The following SH3PXD2B variants were observed in gnomAD, a reference collection of about 807,000 sequenced individuals.
SH3PXD2B encodes the protein SH3 and PX domains 2B.
In SH3PXD2B, 37 loss-of-function variants were observed where a neutral mutation model predicts 73.1. The observed-to-expected ratio is 0.51, with a 90% CI of 0.39 to 0.67. The LOEUF (loss-of-function observed/expected upper bound fraction) is 0.67. Ranked by LOEUF, SH3PXD2B falls within the 30% of genes least tolerant of loss-of-function variation. SH3PXD2B has a pLI of 0.00. For missense variants in SH3PXD2B, 1,053 were observed against 1,197.8 expected (o/e 0.88, Z 1.78); for synonymous variants, 457 against 480.5 (o/e 0.95, Z 0.64).
intron 6 of SH3PXD2B, among the ~76,000 whole-genome samples, chr5:172,366,868 G>A (rs1280520568): frequency 1.3e-5 from 2 of 150,648 alleles, no homozygotes; most frequent in African/African-American, 4.9e-5. Flanking sequence ...TCCTGACCTG[G>A]AGATCTGCCC....
At chr5:172,394,484 G>A (rs1758251596) in intron 4 of SH3PXD2B, 79 bp downstream of exon 4, 1 of 1,440,872 alleles carries the variant, frequency 6.9e-7, no homozygotes, top group Non-Finnish European at 9.7e-7. Flanking sequence ...TTTTATTGTT[G>A]AGCATCTTGT....
intron 2 of SH3PXD2B, among the ~76,000 whole-genome samples, chr5:172,419,661 G>C (rs957255786): frequency 4.6e-5 from 7 of 152,182 alleles, no homozygotes; most frequent in Non-Finnish European, 1.0e-4. Context: ...CCCCTGCGAG[G>C]CTGGCTGCAT....
chr5:172,438,694 C>T (rs1430705210), intron 1 of SH3PXD2B, among the ~76,000 whole-genome samples: 1 of 152,074 alleles, frequency 6.6e-6, no homozygotes, highest in African/African-American at 2.4e-5. Context: ...TGGCAAAAAA[C>T]AGAATACCCA....
Position 172,350,337 on chromosome 5 carries a change from C to T in SH3PXD2B, c.1012+26G>A, listed in dbSNP as rs561280679. On this transcript the variant is annotated intron_variant, in intron 10 of 12. Transcript: ENST00000311601. ...GCTGGCACACAGGGGCCCTGATTAT[C>T]AGGAGCTTGGGCGGGTGTCACTCAC... 134 of 1,610,558 alleles carry T rather than the reference C, an allele frequency of 8.3e-5. No homozygotes were observed. In the South Asian group the frequency reaches 1.4e-3, roughly 16 times the overall value.
rs1426927389 is a variant in SH3PXD2B at position 172,347,344 on chromosome 5, T to G, written c.1013-12A>C. 2.5e-6 allele frequency: 4 copies of G among 1,613,696 alleles called. No individual in the cohort carries two copies. Among genetic ancestry groups the G allele is most frequent in the Non-Finnish European group, 3.4e-6 (4 of 1,179,850 alleles). ...CATCTTTGGTGATCCTATGGAGAAA[T>G]GAGAGCTTATTACATCTTGTGCTAC... On this transcript the variant is annotated splice_polypyrimidine_tract_variant and intron_variant, in intron 10 of 12. Transcript: ENST00000311601.
In SH3PXD2B at chr5:172,362,862, G is replaced by C; in HGVS notation, c.435C>G (p.Asp145Glu). Residue 145 changes from aspartate (D) to glutamate (E), a missense_variant, in exon 7 of 13, where the codon GAC becomes GAG. Transcript: ENST00000311601. ...GGACCATGGGGTCCACTGAGGTTTG[G>C]TCACCCCCTGTGGATAGGAAACAGA... Reference protein sequence around the residue: ...EHIGKKKSGGDQTSVDPMVLE... With the variant: ...EHIGKKKSGGEQTSVDPMVLE... 1 of 1,614,110 alleles carries C rather than the reference G, an allele frequency of 6.2e-7. No individual in the cohort carries two copies. The highest frequency in any genetic ancestry group is 1.1e-5 in the South Asian group (1 of 91,078).
chr5:172,437,332 A>T (rs1256987513), intron 1 of SH3PXD2B, among the ~76,000 whole-genome samples: 4 of 152,310 alleles, frequency 2.6e-5, no homozygotes, highest in Admixed American at 2.0e-4. Flanking sequence ...TATATAGGTC[A>T]GCACCTCCAA....
chr5:172,327,213 A>T (rs527814386), intron 12 of SH3PXD2B, among the ~76,000 whole-genome samples: 37 of 152,288 alleles, frequency 2.4e-4, no homozygotes, highest in Admixed American at 7.8e-4. Flanking sequence ...AAAAATTATT[A>T]TGCGCTATTA....
At chr5:172,327,576 A>G (rs1395532489) in intron 12 of SH3PXD2B, among the ~76,000 whole-genome samples, 1 of 152,160 alleles carries the variant, frequency 6.6e-6, no homozygotes, top group African/African-American at 2.4e-5. Flanking sequence ...AAATTGGCCT[A>G]ACCAGTAGCC....
Position 172,353,998 on chromosome 5 carries a change from C to G in SH3PXD2B, c.675G>C (p.Lys225Asn), listed in dbSNP as rs780864607. Residue 225 changes from lysine to asparagine, a missense_variant, in exon 9 of 13, where the codon AAG (lysine) becomes AAC (asparagine). Physicochemically the swap from Lys to Asn is moderately conservative, Grantham distance 94. Transcript: ENST00000311601. The surrounding 1 kb of genome is among the most constrained non-coding windows in gnomAD (Gnocchi z 4.3). Reference protein sequence around the residue: ...EFSLQPEEEEKYTVIYPYTAR... With the variant: ...EFSLQPEEEENYTVIYPYTAR... Reference sequence around the variant, plus strand: ...CTGTGTACGGGTAGATGACTGTGTACTTCTCCTCTGTGGGGACAAAAGGAA... The same window carrying G: ...CTGTGTACGGGTAGATGACTGTGTAGTTCTCCTCTGTGGGGACAAAAGGAA... 3 of 1,614,104 alleles carry G rather than the reference C, an allele frequency of 1.9e-6. No homozygotes were observed. In the African/African-American group the frequency reaches 4.0e-5, roughly 22 times the overall value.
At chr5:172,404,370 T>G (rs1435608185) in intron 3 of SH3PXD2B, among the ~76,000 whole-genome samples, 4 of 152,082 alleles carry the variant, frequency 2.6e-5, no homozygotes, top group Non-Finnish European at 5.9e-5. Flanking sequence ...TGGTGCAATC[T>G]CAGCTCACTG....
intron 3 of SH3PXD2B, among the ~76,000 whole-genome samples, chr5:172,397,428 A>G (rs1758327582): frequency 2.0e-5 from 3 of 152,312 alleles, no homozygotes; most frequent in South Asian, 2.1e-4. Context: ...TGTGAAGCAC[A>G]TGATCTCTGT....
At chr5:172,449,487 G>C (rs1231257138) in intron 1 of SH3PXD2B, among the ~76,000 whole-genome samples, 1 of 152,156 alleles carries the variant, frequency 6.6e-6, no homozygotes, top group Non-Finnish European at 1.5e-5. Flanking sequence ...AAAAACTAAT[G>C]TAATTACCTG....
chr5:172,360,001 G>C (rs1581273710), intron 7 of SH3PXD2B, among the ~76,000 whole-genome samples: 1 of 152,132 alleles, frequency 6.6e-6, no homozygotes, highest in Non-Finnish European at 1.5e-5. Context: ...GAAAAGGCAA[G>C]GAAACAGATC....
At chr5:172,377,516 G>A (rs1022107248) in intron 5 of SH3PXD2B, among the ~76,000 whole-genome samples, 1 of 152,168 alleles carries the variant, frequency 6.6e-6, no homozygotes, top group African/African-American at 2.4e-5. Flanking sequence ...GTAAGCACCT[G>A]CCCTGTGCCA....
intron 4 of SH3PXD2B, among the ~76,000 whole-genome samples, chr5:172,393,174 A>G (rs1054280403): frequency 5.9e-5 from 9 of 152,244 alleles, no homozygotes; most frequent in African/African-American, 2.2e-4. Flanking sequence ...CATTTTAACA[A>G]TATTGAGTCT....
At position 172,362,814 on chromosome 5, in the gene SH3PXD2B, G is replaced by A. The variant is rs765929710; in HGVS notation, c.483C>T (p.Ala161=). ...PMVLEQYVVV[A]NYQKQESSEI... Reference sequence around the variant, plus strand: ...CCGAACTCTCCTGCTTCTGGTAGTTGGCTACCACCACATACTGCTCCAGGA... The same window carrying A: ...CCGAACTCTCCTGCTTCTGGTAGTTAGCTACCACCACATACTGCTCCAGGA... The change falls in exon 7 of 13, where the codon GCC becomes GCT. Residue 161 remains alanine (A), a synonymous_variant. Coordinates refer to ENST00000311601, the MANE Select transcript of SH3PXD2B (RefSeq NM_001017995.3). 5.0e-6 allele frequency: 8 copies of A among 1,614,110 alleles called. No individual in the cohort carries two copies. The highest frequency in any genetic ancestry group is 4.2e-6 in the Non-Finnish European group (5 of 1,180,016).
chr5:172,356,502 G>A (rs1199444914), intron 8 of SH3PXD2B, among the ~76,000 whole-genome samples: 1 of 152,172 alleles, frequency 6.6e-6, no homozygotes, highest in Non-Finnish European at 1.5e-5. Context: ...AAATCCCCAA[G>A]GCCAAGAAAT....
intron 2 of SH3PXD2B, among the ~76,000 whole-genome samples, chr5:172,416,285 C>T (rs970524276): frequency 1.3e-5 from 2 of 151,044 alleles, no homozygotes; most frequent in African/African-American, 2.4e-5. Flanking sequence ...GCTGTGATGG[C>T]GCCACTGCAC....
Sources: allele counts gnomAD v4.1 joint callset (sites outside exome capture counted in the v4.1 genomes callset), GRCh38; gene constraint gnomAD v4.1.1; non-coding constraint Gnocchi (gnomAD v3.1); transcripts MANE v1.5; gene names NCBI Gene and HGNC (gene_info 2026-07-23, HGNC 2026-07-21).